Variants in PRAMEF2 observed in about 807,000 individuals in gnomAD.
PRAMEF2 encodes the protein PRAME family member 2.
In PRAMEF2, 35 loss-of-function variants were observed where a neutral mutation model predicts 38.0. The observed-to-expected ratio is 0.92, with a 90% confidence interval of 0.70 to 1.22. The LOEUF (loss-of-function observed/expected upper bound fraction) is 1.22, where lower values mean the gene tolerates loss of function less well. Ranked by LOEUF, PRAMEF2 falls within the 50% of genes most tolerant of loss-of-function variation. PRAMEF2 has a pLI of 0.00. For synonymous variants in PRAMEF2, 240 were observed against 232.4 expected (o/e 1.03, Z -0.30); for missense variants, 562 against 553.9 (o/e 1.01, Z -0.15).
rs1358175980 is a variant in PRAMEF2, at chr1:12,861,649, C to T, written c.1295C>T (p.Pro432Leu). 10 of 1,598,874 alleles carry T rather than the reference C, an allele frequency of 6.3e-6. No homozygotes were observed. Among genetic ancestry groups the T allele is most frequent in the South Asian group, 5.5e-5 (5 of 90,146 alleles). Residue 432 changes from proline (P) to leucine (L), a missense_variant, in exon 4 of 4, where the codon CCA (proline) becomes CTA (leucine). Transcript: ENST00000240189. ...LVRVNWEIFT[P>L]LRAELMCTLR... is the part of the protein sequence containing the mutation. ...CGTGTCAATTGGGAGATCTTCACCC[C>T]ACTTCGGGCTGAGCTGATGTGTACA...
intron 1 of PRAMEF2, 132 bp from the exon 2 acceptor site, chr1:12,858,853 C>T (rs1194051429): frequency 7.6e-6 from 8 of 1,058,900 alleles, no homozygotes; most frequent in Non-Finnish European, 1.1e-5. Context: ...TTGAGGCCAA[C>T]AAGCACAGTG....
chr1:12,859,963 C>T lies in PRAMEF2; in HGVS notation c.558C>T (p.Val186=). The change falls in exon 3 of 4, where the codon GTC becomes GTT. Residue 186 remains valine (V), a synonymous_variant. Coordinates refer to ENST00000240189, the MANE Select transcript of PRAMEF2 (RefSeq NM_023014.1). ...TACACCTGTGCTGTAGTAAGCTGGT[C>T]AATTATCTAACGCCAATTAAATATC... is the stretch of plus-strand genomic sequence containing the variant. ...GLVHLCCSKL[V]NYLTPIKYLR... 1.3e-6 allele frequency: 2 copies of T among 1,587,074 alleles called. No homozygotes were observed. The highest frequency in any genetic ancestry group is 1.1e-5 in the South Asian group (1 of 88,400).
Position 12,859,787 on chromosome 1 carries a change from G to A in PRAMEF2, c.382G>A (p.Ala128Thr), listed in dbSNP as rs142476002. The A allele has an allele frequency of 2.0e-4, 322 of 1,606,802 alleles. 14 individuals carry two copies. The South Asian group carries it at 2.8e-3, about 14-fold the overall frequency. The change falls in exon 3 of 4, where the codon GCC becomes ACC. Residue 128 changes from alanine (A) to threonine (T), a missense_variant. Around this residue, in one of 2 missense-constraint regions of PRAMEF2, gnomAD observed 486 missense variants for 444.2 expected, o/e 1.09. Transcript: ENST00000240189. ...GAWALSCFPE[A>T]MSKRQTAEDC... ...CTGGGCCCTGTCCTGCTTCCCAGAG[G>A]CCATGAGTAAGAGGCAGACAGCAGA...
intron 1 of PRAMEF2, among the ~76,000 whole-genome samples, chr1:12,858,528 T>C (rs1640482304): frequency 6.7e-6 from 1 of 150,094 alleles, no homozygotes; most frequent in Non-Finnish European, 1.5e-5. Context: ...ATTTTCAAAA[T>C]AAAAAATAAT....
chr1:12,858,120 G>A (rs1161621013), intron 1 of PRAMEF2, among the ~76,000 whole-genome samples: 1 of 149,840 alleles, frequency 6.7e-6, no homozygotes, highest in African/African-American at 2.5e-5. Context: ...ACCCAGACTG[G>A]AGTGCAGGGC....
Position 12,859,142 on chromosome 1 carries a change from A to C in PRAMEF2, c.133A>C (p.Ser45Arg), listed in dbSNP as rs148395681. 4.4e-4 allele frequency: 694 copies of C among 1,588,212 alleles called. 179 individuals carry two copies. Among genetic ancestry groups the C allele is most frequent in the South Asian group, 1.7e-3 (153 of 88,104 alleles). Residue 45 changes from serine (S) to arginine (R), a missense_variant, in exon 2 of 4, where the codon AGC becomes CGC. By Grantham distance (110) the Ser-to-Arg change is moderately radical. This residue lies in a region of PRAMEF2 where 486 missense variants were observed against 444.2 expected (regional missense o/e 1.09). Coordinates refer to ENST00000240189, the MANE Select transcript of PRAMEF2 (RefSeq NM_023014.1). ...TCTCCCACTCTTCAGGGAGGCCTTC[A>C]GCAGGAGACACTTCCAGACTCTGAC... ...LYLPLFREAF[S>R]RRHFQTLTVM...
In PRAMEF2 at chr1:12,861,343, T is replaced by G. The variant is rs920974768; in HGVS notation, c.989T>G (p.Val330Gly). Residue 330 changes from valine to glycine, a missense_variant, in exon 4 of 4, where the codon GTG (valine) becomes GGG (glycine). Transcript: ENST00000240189. ...CTAAAGCATCTGAATCTCAGCTACG[T>G]GCTGCTGTTCCGCATCAGTCTTGAA... The part of the protein sequence containing the change: ...GYLKHLNLSY[V>G]LLFRISLEPL... 3.1e-6 allele frequency: 5 copies of G among 1,606,798 alleles called. No individual in the cohort carries two copies. The African/African-American group carries it at 6.7e-5, about 22-fold the overall frequency.
chr1:12,859,436 T>C lies in PRAMEF2; in HGVS notation c.287+140T>C. Reference sequence around the variant, plus strand: ...AGGAAGCTCAGGGAGGCTTTGGCCATTGTCCAGATCCTCAGAGAAAGGACT... The same window carrying C: ...AGGAAGCTCAGGGAGGCTTTGGCCACTGTCCAGATCCTCAGAGAAAGGACT... On this transcript the variant is annotated intron_variant, in intron 2 of 3. Coordinates refer to ENST00000240189, the MANE Select transcript of PRAMEF2 (RefSeq NM_023014.1). The C allele has an allele frequency of 1.3e-6, 2 of 1,493,316 alleles. 1 individual carries two copies. The highest frequency in any genetic ancestry group is 1.8e-6 in the Non-Finnish European group (2 of 1,098,974). The allele number at this position is 1,493,316 out of a possible 1,614,324, so 92.5% of individuals were successfully genotyped here.
At chr1:12,860,560 C>T (rs1640531220) in intron 3 of PRAMEF2, among the ~76,000 whole-genome samples, 1 of 149,746 alleles carries the variant, frequency 6.7e-6, no homozygotes, top group Non-Finnish European at 1.5e-5. Flanking sequence ...GTGTGAATTT[C>T]CTGTTACAAA....
In PRAMEF2 at chr1:12,861,645, A is replaced by G. The variant is rs760362151; in HGVS notation, c.1291A>G (p.Thr431Ala). ...GGTTCGTGTCAATTGGGAGATCTTC[A>G]CCCCACTTCGGGCTGAGCTGATGTG... is the stretch of plus-strand genomic sequence containing the variant. ...SLVRVNWEIF[T>A]PLRAELMCTL... The change falls in exon 4 of 4, where the codon ACC (threonine) becomes GCC (alanine). Residue 431 changes from threonine (T) to alanine (A), a missense_variant. Transcript: ENST00000240189. 86 of 1,599,518 alleles carry G rather than the reference A, an allele frequency of 5.4e-5. 4 individuals carry two copies. Among genetic ancestry groups the G allele is most frequent in the Non-Finnish European group, 5.8e-5 (68 of 1,174,026 alleles).
chr1:12,860,105 C>G lies in PRAMEF2; in HGVS notation c.700C>G (p.Leu234Val). The change falls in exon 3 of 4, where the codon CTT becomes GTT. Residue 234 changes from leucine to valine, a missense_variant. By Grantham distance (32) the Leu-to-Val change is conservative. Transcript: ENST00000240189. ...TTGTTACCTGAAGGAGATGAAGACT[C>G]TTTGCAAACTCGTTTTCTCCAGGTG... ...LYCYLKEMKT[L>V]CKLVFSRCHH... 1 of 1,606,756 alleles carries G rather than the reference C, an allele frequency of 6.2e-7. No individual in the cohort carries two copies.
Position 12,861,300 on chromosome 1 carries a change from T to G in PRAMEF2, c.946T>G (p.Phe316Val), listed in dbSNP as rs767926163. ...AGAGGACTTGAAGTGTCTCTCCCAG[T>G]TCCCAAGCCTCGGTTACCTAAAGCA... ...LEEDLKCLSQ[F>V]PSLGYLKHLN... is the part of the protein sequence containing the mutation. Residue 316 changes from phenylalanine to valine, a missense_variant, in exon 4 of 4, where the codon TTC becomes GTC. By Grantham distance (50) the Phe-to-Val change is conservative. Coordinates refer to ENST00000240189, the MANE Select transcript of PRAMEF2 (RefSeq NM_023014.1). 7 of 1,607,196 alleles carry G rather than the reference T, an allele frequency of 4.4e-6. No individual in the cohort carries two copies. The African/African-American group carries it at 5.4e-5, about 12-fold the overall frequency.
rs370044543 is a variant in PRAMEF2 at position 12,860,236 on chromosome 1, C to G, written c.831C>G (p.Ile277Met). 2.2e-5 allele frequency: 35 copies of G among 1,606,850 alleles called. No individual in the cohort carries two copies. The African/African-American group carries it at 4.3e-4, about 20-fold the overall frequency. The part of the protein sequence containing the change: ...EHLQLLKIKL[I>M]TFFSGHLEQL... ...TCCAGTTGCTTAAAATAAAATTGAT[C>G]ACCTTCTTCAGTGGGCACCTGGAAC... Residue 277 changes from isoleucine to methionine, a missense_variant, in exon 3 of 4, where the codon ATC (isoleucine) becomes ATG (methionine). This residue lies in a region of PRAMEF2 where 486 missense variants were observed against 444.2 expected (regional missense o/e 1.09). Coordinates refer to ENST00000240189, the MANE Select transcript of PRAMEF2 (RefSeq NM_023014.1).
At chr1:12,860,318 G>A in intron 3 of PRAMEF2, 47 bp downstream of exon 3, 1 of 1,599,280 alleles carries the variant, frequency 6.3e-7, no homozygotes, top group Non-Finnish European at 8.5e-7. Flanking sequence ...GCACAGACTT[G>A]TTCTGTTACA....
intron 1 of PRAMEF2, among the ~76,000 whole-genome samples, chr1:12,858,245 A>G (rs572362153): frequency 1.3e-5 from 2 of 149,794 alleles, no homozygotes; most frequent in South Asian, 2.1e-4. Flanking sequence ...TAATATTTAA[A>G]TTAATTAATT....
At position 12,859,147 on chromosome 1, in the gene PRAMEF2, G is replaced by C; in HGVS notation, c.138G>C (p.Arg46Ser). Residue 46 changes from arginine to serine, a missense_variant, in exon 2 of 4, where the codon AGG (arginine) becomes AGC (serine). Physicochemically the swap from Arg to Ser is moderately radical, Grantham distance 110 (BLOSUM62 -1). Transcript: ENST00000240189. The stretch of plus-strand genomic sequence containing the variant: ...CACTCTTCAGGGAGGCCTTCAGCAG[G>C]AGACACTTCCAGACTCTGACGGTGA... ...YLPLFREAFS[R>S]RHFQTLTVMV... The C allele has an allele frequency of 3.1e-6, 5 of 1,607,640 alleles. No homozygotes were observed. Among genetic ancestry groups the C allele is most frequent in the Non-Finnish European group, 4.2e-6 (5 of 1,177,020 alleles).
rs1308467214 is a variant in PRAMEF2, at chr1:12,861,507, G to C, written c.1153G>C (p.Gly385Arg). The change falls in exon 4 of 4, where the codon GGC (glycine) becomes CGC (arginine). Residue 385 changes from glycine to arginine, a missense_variant. By Grantham distance (125) the Gly-to-Arg change is moderately radical. This residue lies in a region of PRAMEF2 where 486 missense variants were observed against 444.2 expected (regional missense o/e 1.09). Transcript: ENST00000240189. ...CTCCCAGCTCACCACCTTCTACTTT[G>C]GCAGCAATTGCATGTCTATTGACGC... ...CCSQLTTFYF[G>R]SNCMSIDALK... 3 of 1,605,476 alleles carry C rather than the reference G, an allele frequency of 1.9e-6. No homozygotes were observed. Among genetic ancestry groups the C allele is most frequent in the Non-Finnish European group, 2.5e-6 (3 of 1,176,990 alleles).
At chr1:12,861,118 C>A in intron 3 of PRAMEF2, 103 bp from the exon 4 acceptor site, 1 of 1,348,530 alleles carries the variant, frequency 7.4e-7, no homozygotes, top group Non-Finnish European at 1.0e-6. Context: ...ATGGTGGGAA[C>A]AAACTTGTGT....
At chr1:12,860,297 T>G (rs1484274144) in intron 3 of PRAMEF2, 26 bp downstream of exon 3, 2 of 1,605,214 alleles carry the variant, frequency 1.2e-6, no homozygotes, top group Admixed American at 1.7e-5. Context: ...GCACTTTGTA[T>G]GCAGACCACA....
Sources: allele counts gnomAD v4.1 joint callset (sites outside exome capture counted in the v4.1 genomes callset), GRCh38; gene constraint gnomAD v4.1.1; regional missense constraint gnomAD v4.1.1; transcripts MANE v1.5; gene names NCBI Gene and HGNC (gene_info 2026-07-23, HGNC 2026-07-21).